Variants in AGMO observed in about 807,000 individuals in gnomAD.
AGMO encodes the protein alkylglycerol monooxygenase, also known as glyceryl-ether monooxygenase.
In AGMO, 75 loss-of-function variants were observed where a neutral mutation model predicts 60.2. The observed-to-expected ratio is 1.25, with a 90% CI of 1.03 to 1.51. The LOEUF (loss-of-function observed/expected upper bound fraction) is 1.51, where lower values mean the gene tolerates loss of function less well. Ranked by LOEUF, AGMO falls within the 40% of genes most tolerant of loss-of-function variation. AGMO has a pLI of 0.00. For missense variants in AGMO, 763 were observed against 525.5 expected, an observed-to-expected ratio of 1.45 and a Z score of -4.42; for synonymous variants, 261 against 177.1, an observed-to-expected ratio of 1.47 and a Z score of -3.76.
intron 12 of AGMO, among the ~76,000 whole-genome samples, chr7:15,304,858 T>C (rs1165752273): frequency 6.6e-6 from 1 of 151,990 alleles, no homozygotes; most frequent in Non-Finnish European, 1.5e-5. Context: ...TATTATTCTT[T>C]CAGTTACACA....
At chr7:15,371,965 TTATC>T (rs1231108283) in intron 10 of AGMO, among the ~76,000 whole-genome samples, 1 of 152,074 alleles carries the variant, frequency 6.6e-6, no homozygotes, top group African/African-American at 2.4e-5. Context: ...ACCTTAATAT[TTATC>T]CCTTTAATTC....
In AGMO at chr7:15,390,859, A is replaced by T; in HGVS notation, c.723T>A (p.Ile241=). ...ACTTACCAAAAATTTTATCCCAAAT[A>T]ATAAGAACACCAGCATAATTTTTGT... ...CIDKNYAGVL[I]IWDKIFGTFE... is the part of the protein sequence containing the mutation. The change falls in exon 7 of 13, where the codon ATT becomes ATA. Residue 241 remains isoleucine (I), a synonymous_variant. Transcript: ENST00000342526. 1 of 1,605,640 alleles carries T rather than the reference A, an allele frequency of 6.2e-7. No homozygotes were observed. Among genetic ancestry groups the T allele is most frequent in the Non-Finnish European group, 8.5e-7 (1 of 1,175,032 alleles).
intron 12 of AGMO, among the ~76,000 whole-genome samples, chr7:15,295,007 A>T (rs1013968900): frequency 1.1e-4 from 16 of 151,988 alleles, no homozygotes; most frequent in Admixed American, 3.3e-4. Context: ...AGGGAACCAA[A>T]TATATTTTTT....
intron 3 of AGMO, among the ~76,000 whole-genome samples, chr7:15,477,206 T>A (rs1240002720): frequency 6.6e-6 from 1 of 152,044 alleles, no homozygotes; most frequent in Non-Finnish European, 1.5e-5. Context: ...GTTAAAGGTA[T>A]GAATGAAACA....
the AGMO span, among the ~76,000 whole-genome samples, chr7:15,154,593 C>G: frequency 6.6e-6 from 1 of 152,152 alleles, no homozygotes; most frequent in Non-Finnish European, 1.5e-5. Context: ...TACATTTAGC[C>G]AATATACATT....
intron 12 of AGMO, among the ~76,000 whole-genome samples, chr7:15,280,309 G>A (rs1247789046): frequency 6.6e-6 from 1 of 152,124 alleles, no homozygotes; most frequent in Non-Finnish European, 1.5e-5. Flanking sequence ...GCTGGGTGGG[G>A]CTTACTGCTG....
chr7:15,204,802 T>A (rs549798848), intron 12 of AGMO, among the ~76,000 whole-genome samples: 17 of 152,294 alleles, frequency 1.1e-4, no homozygotes, highest in African/African-American at 4.1e-4. Flanking sequence ...CATATTAAAA[T>A]TTTAATGGGG....
chr7:15,513,085 T>C (rs1783717626), intron 3 of AGMO, among the ~76,000 whole-genome samples: 1 of 152,248 alleles, frequency 6.6e-6, no homozygotes, highest in South Asian at 2.1e-4. Context: ...ATAATCTGTG[T>C]CTGATACTAT....
chr7:15,159,618 C>T, the AGMO span, among the ~76,000 whole-genome samples: 2 of 152,108 alleles, frequency 1.3e-5, no homozygotes, highest in African/African-American at 4.8e-5. Context: ...AGAATCTGTA[C>T]CAACATCAAT....
intron 5 of AGMO, among the ~76,000 whole-genome samples, chr7:15,416,089 A>G (rs1018864586): frequency 1.4e-5 from 2 of 143,616 alleles, no homozygotes; most frequent in Non-Finnish European, 3.0e-5. Context: ...GCTGGAGTGC[A>G]GTGGCATGAT....
chr7:15,459,236 AT>A (rs1467153082), intron 3 of AGMO, among the ~76,000 whole-genome samples: 2 of 152,198 alleles, frequency 1.3e-5, no homozygotes, highest in African/African-American at 2.4e-5. Flanking sequence ...AAATCACCCA[AT>A]GAGTTGTTTT....
intron 8 of AGMO, 144 bp downstream of exon 8, chr7:15,390,525 AAG>A (rs1377059192): frequency 7.4e-5 from 38 of 515,132 alleles, no homozygotes; most frequent in Non-Finnish European, 6.1e-5. Flanking sequence ...TTGTGTAACA[AAG>A]AGTTATTTGT....
chr7:15,154,276 A>C, the AGMO span, among the ~76,000 whole-genome samples: 1 of 152,190 alleles, frequency 6.6e-6, no homozygotes, highest in African/African-American at 2.4e-5. Flanking sequence ...AACCCCTTTT[A>C]CAATAGCTGC....
At chr7:15,514,276 G>T (rs114726542) in intron 3 of AGMO, among the ~76,000 whole-genome samples, 1 of 152,070 alleles carries the variant, frequency 6.6e-6, no homozygotes, top group Non-Finnish European at 1.5e-5. Flanking sequence ...GATTGACTAT[G>T]GTATCAATAA....
At chr7:15,217,181 T>G (rs777983605) in intron 12 of AGMO, among the ~76,000 whole-genome samples, 1 of 152,096 alleles carries the variant, frequency 6.6e-6, no homozygotes, top group Non-Finnish European at 1.5e-5. Flanking sequence ...ATGATAATTT[T>G]CTTTCTACAA....
intron 3 of AGMO, among the ~76,000 whole-genome samples, chr7:15,539,605 C>T (rs963862510): frequency 2.6e-5 from 4 of 152,154 alleles, no homozygotes; most frequent in African/African-American, 4.8e-5. Context: ...TGAACATACA[C>T]ATGCATGTGT....
intron 3 of AGMO, among the ~76,000 whole-genome samples, chr7:15,490,414 T>G (rs1020243409): frequency 2.0e-5 from 3 of 150,972 alleles, no homozygotes; most frequent in Middle Eastern, 3.2e-3. Flanking sequence ...TTCACAGAGA[T>G]CATTCTTAAC....
At chr7:15,407,207 T>A (rs1446701083) in intron 5 of AGMO, among the ~76,000 whole-genome samples, 1 of 136,496 alleles carries the variant, frequency 7.3e-6, no homozygotes, top group Non-Finnish European at 1.6e-5. Context: ...GTCAGAAGAC[T>A]TGAAAGGCCC....
chr7:15,505,686 C>G (rs930642585), intron 3 of AGMO, among the ~76,000 whole-genome samples: 1 of 151,838 alleles, frequency 6.6e-6, no homozygotes, highest in African/African-American at 2.4e-5. Context: ...CTGAAAAAAA[C>G]AAACTAATGT....
Sources: allele counts gnomAD v4.1 joint callset (sites outside exome capture counted in the v4.1 genomes callset), GRCh38; gene constraint gnomAD v4.1.1; transcripts MANE v1.5; gene names NCBI Gene and HGNC (gene_info 2026-07-23, HGNC 2026-07-21).